Variants in USP46 observed in about 807,000 individuals in gnomAD.
USP46 encodes the protein ubiquitin carboxyl-terminal hydrolase 46.
A neutral mutation model predicts 44.4 loss-of-function variants in USP46; 12 were observed. The observed-to-expected ratio is 0.27, with a 90% confidence interval of 0.17 to 0.44. USP46 has a LOEUF of 0.44. Among genes scored for constraint, USP46 ranks in the 20% least tolerant of loss-of-function variants. The pLI is 1.00. For missense variants in USP46, 248 were observed against 444.8 expected (o/e 0.56, Z 3.98); for synonymous variants, 155 against 161.5 (o/e 0.96, Z 0.31).
intron 4 of USP46, among the ~76,000 whole-genome samples, chr4:52,623,484 A>G (rs921906204): frequency 6.6e-6 from 1 of 152,238 alleles, no homozygotes; most frequent in African/African-American, 2.4e-5. Flanking sequence ...ACAAAATGAA[A>G]TAAGTCAAGG....
In USP46 at chr4:52,656,521, G is replaced by C. The variant is rs1287863344; in HGVS notation, c.36+2594C>G. 3.5e-6 allele frequency: 5 copies of C among 1,417,872 alleles called. No individual in the cohort carries two copies. In the African/African-American group the frequency reaches 4.3e-5, roughly 12 times the overall value. 87.8% of individuals were successfully genotyped at this position (1,417,872 alleles called of 1,614,324 possible). A position where few individuals can be genotyped will look rare whatever the true frequency, so the allele number is the denominator to read the frequency against. On this transcript the variant is annotated intron_variant, in intron 1 of 8. Transcript: ENST00000441222. ...ATACATGGGAGGTGTTTATATTAGT[G>C]GTTGCTTCCACCAGGTCTGAAATGG...
chr4:52,625,271 G>A (rs958347264), intron 4 of USP46, among the ~76,000 whole-genome samples: 1 of 151,910 alleles, frequency 6.6e-6, no homozygotes, highest in African/African-American at 2.4e-5. Context: ...CTATTTTATA[G>A]ATGAAGAAAG....
At chr4:52,626,614 C>T (rs1049245433) in intron 3 of USP46, among the ~76,000 whole-genome samples, 13 of 152,064 alleles carry the variant, frequency 8.5e-5, no homozygotes, top group African/African-American at 2.4e-4. Context: ...TGAGCCACCG[C>T]GCCTGGCCCA....
intron 4 of USP46, among the ~76,000 whole-genome samples, chr4:52,622,907 A>T (rs577306007): frequency 1.3e-5 from 2 of 152,364 alleles, no homozygotes; most frequent in East Asian, 3.9e-4. Flanking sequence ...AAGAAACAGA[A>T]TGGCAAAGAT....
intron 4 of USP46, among the ~76,000 whole-genome samples, chr4:52,611,581 T>C (rs906653886): frequency 6.6e-5 from 10 of 152,192 alleles, no homozygotes; most frequent in Non-Finnish European, 2.9e-5. Flanking sequence ...TACACTCTTT[T>C]ATACTTTTAG....
At position 52,628,080 on chromosome 4, in the gene USP46, C is replaced by T. The variant is rs1284374510; in HGVS notation, c.201G>A (p.Lys67=). ...AGTTTTCCTTCTTCTTTTGCTGGGC[C>T]TTGTATGCCAACACATTCTCCCGGA... The part of the protein sequence containing the change: ...RPFRENVLAY[K]AQQKKKENLL... Residue 67 remains lysine, a synonymous_variant, in exon 3 of 9, where the codon AAG becomes AAA. Coordinates refer to ENST00000441222, the MANE Select transcript of USP46 (RefSeq NM_022832.4). The T allele has an allele frequency of 4.3e-6, 7 of 1,613,956 alleles. No homozygotes were observed. The highest frequency in any genetic ancestry group is 2.2e-5 in the East Asian group (1 of 44,880).
chr4:52,658,053 A>G (rs1719019571), intron 1 of USP46: 1 of 355,316 alleles, frequency 2.8e-6, no homozygotes, highest in African/African-American at 2.1e-5. Context: ...GCTTCAAGGG[A>G]GGTTTTCCTC....
intron 5 of USP46, among the ~76,000 whole-genome samples, chr4:52,609,984 G>A (rs973891655): frequency 8.4e-6 from 1 of 119,050 alleles, no homozygotes; most frequent in African/African-American, 3.3e-5. Flanking sequence ...GGAGTGCAGT[G>A]GCGCGATCTC....
intron 1 of USP46, among the ~76,000 whole-genome samples, chr4:52,652,149 C>A (rs944327195): frequency 6.6e-6 from 1 of 152,172 alleles, no homozygotes; most frequent in African/African-American, 2.4e-5. Flanking sequence ...TGTTCAACCT[C>A]CCCTAGCAAA....
Position 52,594,171 on chromosome 4 carries a change from G to C in USP46, c.*3469C>G, listed in dbSNP as rs1258126511. ...ACCCGGATATAATTCTCTAGAAAGA[G>C]AATTCCCATTTTATTCATTTATTTA... On this transcript the variant is annotated 3_prime_UTR_variant, in exon 9 of 9. Coordinates refer to ENST00000441222, the MANE Select transcript of USP46 (RefSeq NM_022832.4). The C allele has an allele frequency of 6.6e-6, 1 of 152,276 alleles. No individual in the cohort carries two copies. Among genetic ancestry groups the C allele is most frequent in the East Asian group, 1.9e-4 (1 of 5,192 alleles). The allele number at this position is 152,276 out of a possible 1,614,324, so 9.4% of individuals were successfully genotyped here.
chr4:52,611,124 T>C (rs771160537), intron 4 of USP46, among the ~76,000 whole-genome samples: 25 of 152,230 alleles, frequency 1.6e-4, no homozygotes, highest in Admixed American at 2.6e-4. Context: ...GGCAATGGGC[T>C]GGAGAATCGC....
chr4:52,656,292 C>T (rs1269046539), intron 1 of USP46: 1 of 1,551,278 alleles, frequency 6.4e-7, no homozygotes, highest in Non-Finnish European at 8.7e-7. Context: ...TGTAAGACAC[C>T]TACCTGAAAA....
intron 1 of USP46, among the ~76,000 whole-genome samples, chr4:52,640,767 C>T (rs976834158): frequency 6.8e-6 from 1 of 147,444 alleles, no homozygotes; most frequent in South Asian, 2.1e-4. Context: ...GATCACGCCA[C>T]GGCACTCCAG....
rs191996899 is a variant in USP46 at position 52,656,282 on chromosome 4, T to C, written c.36+2833A>G. 14 of 1,551,300 alleles carry C rather than the reference T, an allele frequency of 9.0e-6. No homozygotes were observed. The Admixed American group carries it at 2.7e-4, about 30-fold the overall frequency. Reference sequence around the variant, plus strand: ...AGGAGCTAAGCAGTGAGAAGGGACCTGTAAGACACCTACCTGAAAACAATT... The same window carrying C: ...AGGAGCTAAGCAGTGAGAAGGGACCCGTAAGACACCTACCTGAAAACAATT... On this transcript the variant is annotated intron_variant, in intron 1 of 8. Transcript: ENST00000441222.
rs1443746295 is a variant in USP46, at chr4:52,609,923, T to C, written c.638+618A>G. On this transcript the variant is annotated intron_variant, in intron 5 of 8. Transcript: ENST00000441222. ...CTTTTTTTTTTTTTTTTTTTTTTTT[T>C]TTTTTTTTTTTTTTTTTTTTGAGGC... Among the ~76,000 whole-genome samples, 3 of 98,558 alleles carry C rather than the reference T, an allele frequency of 3.0e-5. No individual in the cohort carries two copies. The East Asian group carries it at 9.1e-4, about 30-fold the overall frequency. The allele number at this position is 98,558 out of a possible 152,430, so 64.7% of individuals were successfully genotyped here.
At chr4:52,621,572 C>T (rs1421250301) in intron 4 of USP46, among the ~76,000 whole-genome samples, 1 of 152,150 alleles carries the variant, frequency 6.6e-6, no homozygotes, top group East Asian at 1.9e-4. Flanking sequence ...AGGAGAATTG[C>T]TTGAACCTGG....
intron 1 of USP46, among the ~76,000 whole-genome samples, chr4:52,657,599 G>A (rs1719003079): frequency 6.6e-6 from 1 of 152,202 alleles, no homozygotes; most frequent in Admixed American, 6.5e-5. Context: ...GTTCCCTCAG[G>A]AACTGGTCGT....
intron 4 of USP46, among the ~76,000 whole-genome samples, chr4:52,624,774 T>A (rs779812554): frequency 4.6e-5 from 7 of 152,122 alleles, no homozygotes; most frequent in Admixed American, 6.6e-5. Context: ...ATGATAAGAT[T>A]TGTACCCTTA....
At chr4:52,600,588 C>A (rs970818496) in intron 7 of USP46, among the ~76,000 whole-genome samples, 1 of 152,104 alleles carries the variant, frequency 6.6e-6, no homozygotes, top group African/African-American at 2.4e-5. Flanking sequence ...AGTTCCCTTA[C>A]CTGTGTCTCT....
Sources: gnomAD v4.1 joint callset for allele counts (sites outside exome capture counted in the v4.1 genomes callset) on GRCh38, gnomAD v4.1.1 for gene constraint, MANE v1.5 for transcripts, NCBI Gene and HGNC (gene_info 2026-07-23, HGNC 2026-07-21) for gene names.